The following RIMS2 variants were observed in gnomAD, a reference collection of about 807,000 sequenced individuals.
The protein encoded by RIMS2 is regulating synaptic membrane exocytosis 2.
RIMS2 carries 59 observed loss-of-function variants against 174.4 expected under a neutral mutation model. The ratio of observed to expected loss-of-function variants is 0.34; its 90% CI spans 0.27 to 0.42. The LOEUF (loss-of-function observed/expected upper bound fraction) is 0.42, where lower values mean the gene tolerates loss of function less well. Among genes scored for constraint, RIMS2 ranks in the 10% least tolerant of loss-of-function variants. The probability of loss-of-function intolerance (pLI) is 1.00; values close to 1 mark genes in which losing one functional copy is unlikely to be tolerated. For missense variants in RIMS2, 1,620 were observed against 1,666.3 expected (o/e 0.97, Z 0.48); for synonymous variants, 606 against 572.5 (o/e 1.06, Z -0.84).
intron 3 of RIMS2, among the ~76,000 whole-genome samples, chr8:103,828,465 T>C (rs1283118117): frequency 6.6e-6 from 1 of 152,208 alleles, no homozygotes; most frequent in African/African-American, 2.4e-5. Flanking sequence ...TTAAGTTCCT[T>C]ATAGATTCTG....
intron 1 of RIMS2, among the ~76,000 whole-genome samples, chr8:103,588,225 A>G (rs1043016441): frequency 2.6e-5 from 4 of 152,038 alleles, no homozygotes; most frequent in African/African-American, 7.2e-5. Context: ...TGAAAACTAT[A>G]AAACACTGAA....
chr8:103,837,770 A>G (rs2098910655), intron 3 of RIMS2, among the ~76,000 whole-genome samples: 1 of 152,068 alleles, frequency 6.6e-6, no homozygotes, highest in Non-Finnish European at 1.5e-5. Context: ...ATTGTTGGAC[A>G]TTTGGGTTGG....
At chr8:104,090,042 TTATATACACATGCACATATATATATTATA>T (rs2097611695) in intron 19 of RIMS2, among the ~76,000 whole-genome samples, 2 of 149,220 alleles carry the variant, frequency 1.3e-5, no homozygotes, top group African/African-American at 2.5e-5. Flanking sequence ...ATGAACACAT[TTATATACACATGCACATATATATATTATA>T]TATATATACA....
chr8:104,026,467 A>T (rs1187467465), intron 19 of RIMS2, among the ~76,000 whole-genome samples: 2 of 152,158 alleles, frequency 1.3e-5, no homozygotes, highest in Admixed American at 6.5e-5. Context: ...TTAGTGATTA[A>T]TTCTTTGCCA....
At chr8:103,860,788 GT>G (rs34041732) in intron 3 of RIMS2, among the ~76,000 whole-genome samples, 111,427 of 150,586 alleles carry the variant, frequency 0.74, 42,005 homozygotes, top group African/African-American at 0.85. Context: ...GTAAAATAAT[GT>G]TTTTTTTTTC....
intron 3 of RIMS2, among the ~76,000 whole-genome samples, chr8:103,878,344 T>C (rs773400773): frequency 1.3e-5 from 2 of 151,848 alleles, no homozygotes; most frequent in Non-Finnish European, 2.9e-5. Context: ...AGTATATTCC[T>C]AGGTATTTTA....
chr8:103,786,818 G>T (rs1005368920), intron 3 of RIMS2, among the ~76,000 whole-genome samples: 1 of 152,032 alleles, frequency 6.6e-6, no homozygotes, highest in African/African-American at 2.4e-5. Context: ...TCAATTCCTG[G>T]GTATCCTTTT....
rs1336391109 is a variant in RIMS2 at position 103,782,451 on chromosome 8, TG to T, written c.698+15915del. The stretch of plus-strand genomic sequence containing the variant: ...TAAATCCCGTGTGTGTGTGTGTGTG[TG>T]TGTGTGTGTGTGTGTACTTACAGTT... On this transcript the variant is annotated intron_variant, in intron 3 of 23. Coordinates refer to ENST00000504942, the Ensembl canonical transcript of RIMS2. 2.0e-5 allele frequency among the ~76,000 whole-genome samples: 3 copies of T among 151,936 alleles called. No individual in the cohort carries two copies. In the East Asian group the frequency reaches 5.8e-4, roughly 29 times the overall value.
intron 1 of RIMS2, among the ~76,000 whole-genome samples, chr8:103,683,759 T>G (rs1192981702): frequency 6.6e-6 from 1 of 152,154 alleles, no homozygotes; most frequent in Admixed American, 6.6e-5. Context: ...GATGATTCTT[T>G]TAAATGGTGG....
chr8:103,527,079 A>C (rs1345850957), intron 1 of RIMS2, among the ~76,000 whole-genome samples: 1 of 152,212 alleles, frequency 6.6e-6, no homozygotes, highest in Non-Finnish European at 1.5e-5. Flanking sequence ...AGAAACAATA[A>C]ATGCTATAAG....
chr8:103,855,589 T>A (rs1409057637), intron 3 of RIMS2, among the ~76,000 whole-genome samples: 1 of 152,166 alleles, frequency 6.6e-6, no homozygotes, highest in Non-Finnish European at 1.5e-5. Context: ...GAATTTTTTT[T>A]ATTTCTGCCT....
At chr8:104,143,490 A>G (rs1245366863) in intron 19 of RIMS2, among the ~76,000 whole-genome samples, 3 of 152,212 alleles carry the variant, frequency 2.0e-5, no homozygotes, top group Non-Finnish European at 4.4e-5. Flanking sequence ...TATGAGTTAT[A>G]GTAGTAACAG....
chr8:103,763,273 A>G (rs1284853402), intron 2 of RIMS2, among the ~76,000 whole-genome samples: 1 of 152,116 alleles, frequency 6.6e-6, no homozygotes, highest in East Asian at 1.9e-4. Flanking sequence ...CCCCATCTCT[A>G]CAAAAATACA....
chr8:103,702,854 T>A (rs1427638152), intron 2 of RIMS2, among the ~76,000 whole-genome samples: 1 of 38,336 alleles, frequency 2.6e-5, no homozygotes, highest in African/African-American at 4.1e-4. Context: ...CTCCAGCTGT[T>A]TTTTTTTTTT....
At chr8:103,659,283 A>T (rs1448937716) in intron 1 of RIMS2, among the ~76,000 whole-genome samples, 1 of 152,096 alleles carries the variant, frequency 6.6e-6, no homozygotes, top group Non-Finnish European at 1.5e-5. Context: ...TAGTGTAGAG[A>T]AAATGCTGGC....
intron 1 of RIMS2, among the ~76,000 whole-genome samples, chr8:103,685,389 G>C (rs1590295770): frequency 6.6e-6 from 1 of 152,158 alleles, no homozygotes; most frequent in Middle Eastern, 3.4e-3. Flanking sequence ...TGAACTAGCA[G>C]AGCAAGAACT....
intron 15 of RIMS2, among the ~76,000 whole-genome samples, chr8:103,973,304 C>T (rs2093090662): frequency 1.3e-5 from 2 of 151,944 alleles, no homozygotes; most frequent in South Asian, 4.1e-4. Flanking sequence ...AATATCTTGG[C>T]AGAGTTGTTT....
At chr8:103,517,600 T>C (rs1829590099) in intron 1 of RIMS2, among the ~76,000 whole-genome samples, 2 of 152,202 alleles carry the variant, frequency 1.3e-5, no homozygotes, top group South Asian at 2.1e-4. Flanking sequence ...TGCAGTCTTA[T>C]AGAATTATGA....
chr8:103,674,385 G>A (rs941056982), intron 1 of RIMS2, among the ~76,000 whole-genome samples: 2 of 151,966 alleles, frequency 1.3e-5, no homozygotes, highest in South Asian at 2.1e-4. Flanking sequence ...AATCTTATAA[G>A]CAAATCCATC....
Sources: gnomAD v4.1 joint callset for allele counts (sites outside exome capture counted in the v4.1 genomes callset) on GRCh38, gnomAD v4.1.1 for gene constraint, MANE v1.5 for transcripts, NCBI Gene and HGNC (gene_info 2026-07-23, HGNC 2026-07-21) for gene names.